The following GRIA2 variants were observed in gnomAD, a reference collection of about 807,000 sequenced individuals.
The protein encoded by GRIA2 is glutamate receptor 2.
Under a neutral mutation model 97.3 loss-of-function variants are expected in GRIA2, and 14 were observed. That is an observed-to-expected ratio of 0.14 (90% CI 0.10 to 0.23). The LOEUF (loss-of-function observed/expected upper bound fraction) is 0.23, where lower values mean the gene tolerates loss of function less well. Ranked by LOEUF, GRIA2 falls within the 10% of genes least tolerant of loss-of-function variation. The pLI, the probability that GRIA2 is intolerant of heterozygous loss-of-function variation, is 1.00. For synonymous variants in GRIA2, 412 were observed against 387.8 expected (o/e 1.06, Z -0.73); for missense variants, 558 against 1,069.8 (o/e 0.52, Z 6.67).
intron 2 of GRIA2, among the ~76,000 whole-genome samples, chr4:157,294,446 A>G (rs1265550620): frequency 1.3e-5 from 2 of 152,004 alleles, no homozygotes; most frequent in Non-Finnish European, 2.9e-5. Flanking sequence ...AAACATGAAG[A>G]AGAGAAAAAA....
At chr4:157,233,137 G>C (rs1267698264) in intron 2 of GRIA2, among the ~76,000 whole-genome samples, 2 of 152,162 alleles carry the variant, frequency 1.3e-5, no homozygotes, top group African/African-American at 2.4e-5. Context: ...TTTTCCTACT[G>C]TTTGTATACC....
chr4:157,352,671 G>C (rs935536096), intron 12 of GRIA2, among the ~76,000 whole-genome samples: 4 of 137,364 alleles, frequency 2.9e-5, no homozygotes, highest in Non-Finnish European at 6.1e-5. Flanking sequence ...AGTGAGCAGA[G>C]ACCATGCCAT....
At chr4:157,296,365 G>A (rs114949174) in intron 2 of GRIA2, among the ~76,000 whole-genome samples, 14 of 152,086 alleles carry the variant, frequency 9.2e-5, no homozygotes, top group South Asian at 4.2e-4. Flanking sequence ...ATAAGAACCC[G>A]TTTTATGTCT....
intron 2 of GRIA2, chr4:157,249,624 A>G (rs539323390): frequency 1.3e-5 from 2 of 152,296 alleles, no homozygotes; most frequent in South Asian, 2.1e-4. Context: ...TGGGATACAG[A>G]AAGTACTCAC....
In GRIA2 at chr4:157,361,394, T is replaced by C; in HGVS notation, c.2406+270T>C. On this transcript the variant is annotated intron_variant, in intron 14 of 15. Coordinates refer to ENST00000264426, the MANE Select transcript of GRIA2 (RefSeq NM_001083619.3). This position sits in a 1 kb window ranked among gnomAD's most constrained non-coding sequence, Gnocchi z 5.2. ...ACTTCCAGCGATACATTAATGCTCA[T>C]TTGGCTCTGCAAATCTTACCGTTTG... 7 of 697,274 alleles carry C rather than the reference T, an allele frequency of 1.0e-5. 1 individual carries two copies. In the South Asian group the frequency reaches 1.1e-4, roughly 11 times the overall value. The allele number at this position is 697,274 out of a possible 1,614,324, so 43.2% of individuals were successfully genotyped here. A position where few individuals can be genotyped will look rare whatever the true frequency, so the allele number is the denominator to read the frequency against.
chr4:157,246,051 A>G (rs759311340), intron 2 of GRIA2, among the ~76,000 whole-genome samples: 17 of 152,140 alleles, frequency 1.1e-4, no homozygotes, highest in Admixed American at 6.6e-5. Flanking sequence ...AATAATTTCT[A>G]GTTAATTTTG....
At chr4:157,318,767 C>T (rs907707647) in intron 5 of GRIA2, among the ~76,000 whole-genome samples, 2 of 151,596 alleles carry the variant, frequency 1.3e-5, no homozygotes, top group African/African-American at 4.8e-5. Context: ...CACCCAAGAA[C>T]AAGAAAAAAA....
intron 2 of GRIA2, among the ~76,000 whole-genome samples, chr4:157,274,762 T>G (rs2126797237): frequency 6.6e-6 from 1 of 151,904 alleles, no homozygotes; most frequent in Admixed American, 6.6e-5. Context: ...TAATCCAGTC[T>G]ATCATTGTTG....
chr4:157,233,507 G>T (rs990501680), intron 2 of GRIA2, among the ~76,000 whole-genome samples: 4 of 152,036 alleles, frequency 2.6e-5, no homozygotes, highest in African/African-American at 9.7e-5. Flanking sequence ...TTGGAATTAG[G>T]CAAAAATAGG....
intron 13 of GRIA2, among the ~76,000 whole-genome samples, 174 bp downstream of exon 13, chr4:157,360,317 T>A (rs918196579): frequency 2.0e-5 from 3 of 152,190 alleles, no homozygotes; most frequent in Admixed American, 6.6e-5. Flanking sequence ...GTTTTATATA[T>A]TTATGACAGG....
chr4:157,252,900 A>C (rs1441581150), intron 2 of GRIA2, among the ~76,000 whole-genome samples: 2 of 152,146 alleles, frequency 1.3e-5, no homozygotes, highest in Non-Finnish European at 2.9e-5. Flanking sequence ...AGTTCAAGAC[A>C]GATTTTTCTA....
chr4:157,353,398 T>G (rs1282948662), intron 12 of GRIA2, among the ~76,000 whole-genome samples: 1 of 151,140 alleles, frequency 6.6e-6, no homozygotes, highest in Non-Finnish European at 1.5e-5. Context: ...GGCCAGGGCG[T>G]GGTGGCTCAC....
chr4:157,286,901 T>G (rs899907060), intron 2 of GRIA2, among the ~76,000 whole-genome samples: 1 of 151,668 alleles, frequency 6.6e-6, no homozygotes, highest in East Asian at 1.9e-4. Context: ...CATTCATCTG[T>G]TTTCCTGGAT....
chr4:157,280,358 C>A (rs1336302748), intron 2 of GRIA2, among the ~76,000 whole-genome samples: 1 of 152,018 alleles, frequency 6.6e-6, no homozygotes, highest in Non-Finnish European at 1.5e-5. Context: ...AGTTAGTGCC[C>A]AGTGCAACAA....
upstream of GRIA2, chr4:157,220,684 G>A (rs1162408720): frequency 7.0e-6 from 2 of 286,366 alleles, no homozygotes; most frequent in Admixed American, 9.6e-5. Flanking sequence ...GCGCGCGCGC[G>A]TGAGTGAGAG....
At chr4:157,261,978 C>T (rs1407714099) in intron 2 of GRIA2, among the ~76,000 whole-genome samples, 2 of 152,080 alleles carry the variant, frequency 1.3e-5, no homozygotes, top group Admixed American at 1.3e-4. Context: ...GTTATATGCT[C>T]AAAAGTTTTG....
At chr4:157,271,117 T>A (rs2126789502) in intron 2 of GRIA2, among the ~76,000 whole-genome samples, 1 of 152,150 alleles carries the variant, frequency 6.6e-6, no homozygotes, top group Admixed American at 6.6e-5. Context: ...TCATGCACAA[T>A]TAAAGCACTT....
chr4:157,270,906 A>T (rs542502196), intron 2 of GRIA2, among the ~76,000 whole-genome samples: 8 of 148,734 alleles, frequency 5.4e-5, no homozygotes, highest in Non-Finnish European at 1.2e-4. Context: ...AATATTGTAC[A>T]TTATTGGAAC....
intron 2 of GRIA2, among the ~76,000 whole-genome samples, chr4:157,233,320 A>G (rs998932677): frequency 6.6e-6 from 1 of 152,156 alleles, no homozygotes; most frequent in Non-Finnish European, 1.5e-5. Flanking sequence ...TGTCACTTAC[A>G]TCTTAGGATG....
Sources: allele counts gnomAD v4.1 joint callset (sites outside exome capture counted in the v4.1 genomes callset), GRCh38; gene constraint gnomAD v4.1.1; non-coding constraint Gnocchi (gnomAD v3.1); transcripts MANE v1.5; gene names NCBI Gene and HGNC (gene_info 2026-07-23, HGNC 2026-07-21).